DDX60L: variants seen among roughly 807,000 people sequenced by gnomAD.
DDX60L encodes probable ATP-dependent RNA helicase DDX60-like.
Under a neutral mutation model 211.6 loss-of-function variants are expected in DDX60L, and 191 were observed. The ratio of observed to expected loss-of-function variants is 0.90; its 90% confidence interval spans 0.80 to 1.02. The LOEUF (loss-of-function observed/expected upper bound fraction) is 1.02, where lower values mean the gene tolerates loss of function less well. DDX60L is among the 50% of genes least tolerant of loss of function. DDX60L has a pLI of 0.00. For missense variants in DDX60L, 2,007 were observed against 1,984.1 expected (o/e 1.01, Z -0.22); for synonymous variants, 706 against 694.1 (o/e 1.02, Z -0.27).
At chr4:168,379,341 C>T in intron 32 of DDX60L, 22 bp downstream of exon 32, 1 of 1,501,420 alleles carries the variant, frequency 6.7e-7, no homozygotes, top group Non-Finnish European at 8.9e-7. Flanking sequence ...TTTTCGACTA[C>T]AGGTATAAAA....
chr4:168,450,061 G>T (rs374852788), intron 8 of DDX60L, among the ~76,000 whole-genome samples: 1 of 152,092 alleles, frequency 6.6e-6, no homozygotes, highest in Non-Finnish European at 1.5e-5. Flanking sequence ...CTGGGGACTC[G>T]GCGGCCCATG....
intron 34 of DDX60L, among the ~76,000 whole-genome samples, chr4:168,374,584 T>C (rs914633544): frequency 2.6e-5 from 4 of 152,220 alleles, no homozygotes; most frequent in Non-Finnish European, 5.9e-5. Context: ...TCCGTAATGA[T>C]GGAAATATTC....
chr4:168,420,637 C>CGAGAT (rs1345577441), intron 17 of DDX60L, among the ~76,000 whole-genome samples: 2 of 90,502 alleles, frequency 2.2e-5, no homozygotes, highest in African/African-American at 4.4e-5. Flanking sequence ...CACACACACA[C>CGAGAT]ACATGAGATA....
chr4:168,458,676 C>T (rs1756909517), intron 5 of DDX60L, among the ~76,000 whole-genome samples: 1 of 152,080 alleles, frequency 6.6e-6, no homozygotes, highest in Admixed American at 6.6e-5. Context: ...GGGAGAGCAT[C>T]AGGATAAATA....
chr4:168,392,963 T>C (rs1745111895), intron 28 of DDX60L, among the ~76,000 whole-genome samples: 1 of 152,196 alleles, frequency 6.6e-6, no homozygotes, highest in Non-Finnish European at 1.5e-5. Flanking sequence ...TCATTAACTT[T>C]TATTGAGCCA....
chr4:168,371,360 T>C (rs1206471222), intron 36 of DDX60L, among the ~76,000 whole-genome samples: 1 of 149,332 alleles, frequency 6.7e-6, no homozygotes, highest in Non-Finnish European at 1.5e-5. Context: ...CAAATAATAC[T>C]GGAGTTTCTA....
At position 168,462,004 on chromosome 4, in the gene DDX60L, G is replaced by T. The variant is rs774345437; in HGVS notation, c.301C>A (p.Leu101Ile). The T allele has an allele frequency of 2.5e-6, 4 of 1,609,400 alleles. No individual in the cohort carries two copies. In the South Asian group the frequency reaches 4.4e-5, roughly 18 times the overall value. ...AGAATTAAAGCGGTCCTCAATGAAAGAAGTTCAGGAAAATCAAAATATGCA... is the reference window on the plus strand; with the variant it reads ...AGAATTAAAGCGGTCCTCAATGAAATAAGTTCAGGAAAATCAAAATATGCA... ...EYAYFDFPEL[L>I]SLRTALILHL... is the part of the protein sequence containing the mutation. Residue 101 changes from leucine (L) to isoleucine (I), a missense_variant, in exon 5 of 38, where the codon CTT becomes ATT. By Grantham distance (5) the Leu-to-Ile change is conservative (BLOSUM62 2). Coordinates refer to ENST00000682922, the MANE Select transcript of DDX60L (RefSeq NM_001012967.3).
chr4:168,419,400 A>G lies in DDX60L; in HGVS notation c.2515-3T>C. 6.4e-7 allele frequency: 1 copy of G among 1,568,514 alleles called. No individual in the cohort carries two copies. The highest frequency in any genetic ancestry group is 8.7e-7 in the Non-Finnish European group (1 of 1,153,880). ...CATTCCGGCACTGTAATAAGTACCT[A>G]CAAATATGAATGATTAGTGTAGCTA... On this transcript the variant is annotated splice_polypyrimidine_tract_variant and splice_region_variant and intron_variant, in intron 18 of 37. Transcript: ENST00000682922.
chr4:168,421,803 CT>C lies in DDX60L; in HGVS notation c.2350del (p.Arg784GlyfsTer52). The C allele has an allele frequency of 6.2e-7, 1 of 1,614,238 alleles. No homozygotes were observed. Among genetic ancestry groups the C allele is most frequent in the Non-Finnish European group, 8.5e-7 (1 of 1,180,038 alleles). On this transcript the variant is annotated frameshift_variant, in exon 17 of 38. Coordinates refer to ENST00000682922, the MANE Select transcript of DDX60L (RefSeq NM_001012967.3). LOFTEE classifies it high-confidence loss of function. ...CACAACCACCCCGACATCGCTCTCC[CT>C]CAGCACTTTCTCCATGCAGTAGTAG... is the stretch of plus-strand genomic sequence containing the variant. ...ASYYCMEKVL[R>X]ESDVGVVVYV...
chr4:168,428,714 A>T (rs1238526621), intron 13 of DDX60L, among the ~76,000 whole-genome samples: 5 of 152,190 alleles, frequency 3.3e-5, no homozygotes, highest in African/African-American at 1.2e-4. Context: ...GCTAAGAGAG[A>T]AGTACTGAAG....
In DDX60L at chr4:168,373,744, T is replaced by C; in HGVS notation, c.4698A>G (p.Gly1566=). The C allele has an allele frequency of 6.2e-7, 1 of 1,614,098 alleles. No homozygotes were observed. ...AAACAAATGGTGAAATGGCTACTCT[T>C]CCTTTCTTGCAGCTCATCAAGTGAG... ...LVSHLMSCKK[G]RVAISPFVCL... is the part of the protein sequence containing the mutation. Residue 1566 remains glycine (G), a synonymous_variant, in exon 35 of 38, where the codon GGA becomes GGG. Coordinates refer to ENST00000682922, the MANE Select transcript of DDX60L (RefSeq NM_001012967.3).
intron 4 of DDX60L, among the ~76,000 whole-genome samples, chr4:168,463,460 T>C (rs1214138384): frequency 6.6e-6 from 1 of 151,604 alleles, no homozygotes; most frequent in African/African-American, 2.4e-5. Context: ...GGGTGAGAGG[T>C]GGGAGAGTAT....
At chr4:168,423,369 T>C (rs1244631334) in intron 15 of DDX60L, among the ~76,000 whole-genome samples, 2 of 152,156 alleles carry the variant, frequency 1.3e-5, no homozygotes, top group East Asian at 3.9e-4. Flanking sequence ...TATCATCTAG[T>C]ATTTAATTTC....
intron 2 of DDX60L, 57 bp downstream of exon 2, chr4:168,472,639 G>A: frequency 6.3e-7 from 1 of 1,599,920 alleles, no homozygotes; most frequent in Non-Finnish European, 8.6e-7. Context: ...TATTGAATCT[G>A]AATATCTTAC....
At chr4:168,395,233 T>C (rs892483724) in intron 27 of DDX60L, among the ~76,000 whole-genome samples, 6 of 152,246 alleles carry the variant, frequency 3.9e-5, no homozygotes, top group Non-Finnish European at 7.3e-5. Flanking sequence ...ATCATCCACA[T>C]AAATATATAC....
At chr4:168,442,616 T>G (rs1339190197) in intron 9 of DDX60L, among the ~76,000 whole-genome samples, 1 of 151,936 alleles carries the variant, frequency 6.6e-6, no homozygotes, top group Non-Finnish European at 1.5e-5. Context: ...TCTGCAGACT[T>G]AAATGTCCCT....
chr4:168,384,686 G>A lies in DDX60L; in HGVS notation c.4042C>T (p.Leu1348Phe), dbSNP rs775335896. 7 of 1,613,968 alleles carry A rather than the reference G, an allele frequency of 4.3e-6. No homozygotes were observed. Among genetic ancestry groups the A allele is most frequent in the Middle Eastern group, 1.7e-4 (1 of 6,058 alleles). ...SVPELRGQFP[L>F]SITLVLRLML... ...AGTCGCAGGACCAGGGTTATGCTGA[G>A]AGGGAACTGTCCTCTCAGCTCAGGA... Residue 1348 changes from leucine (L) to phenylalanine (F), a missense_variant, in exon 30 of 38, where the codon CTC (leucine) becomes TTC (phenylalanine). Coordinates refer to ENST00000682922, the MANE Select transcript of DDX60L (RefSeq NM_001012967.3).
chr4:168,453,320 C>CA, intron 7 of DDX60L, 38 bp from the exon 8 acceptor site: 1 of 1,569,786 alleles, frequency 6.4e-7, no homozygotes, highest in Non-Finnish European at 8.6e-7. Context: ...GTCACAATGT[C>CA]ACGCTGTGAA....
At chr4:168,450,656 C>T (rs1484700257) in intron 8 of DDX60L, among the ~76,000 whole-genome samples, 1 of 152,184 alleles carries the variant, frequency 6.6e-6, no homozygotes, top group Non-Finnish European at 1.5e-5. Flanking sequence ...TGGCTTATGC[C>T]TATAATCCCA....
Sources: gnomAD v4.1 joint callset for allele counts (sites outside exome capture counted in the v4.1 genomes callset) on GRCh38, gnomAD v4.1.1 for gene constraint, MANE v1.5 for transcripts, NCBI Gene and HGNC (gene_info 2026-07-23, HGNC 2026-07-21) for gene names.